MLST8: variants seen among roughly 807,000 people sequenced by gnomAD.
MLST8 encodes MTOR associated protein MLST8.
MLST8 carries 20 observed loss-of-function variants against 41.3 expected under a neutral mutation model. The observed-to-expected ratio is 0.48, with a 90% confidence interval of 0.34 to 0.70. The LOEUF is 0.70. Among genes scored for constraint, MLST8 ranks in the 30% least tolerant of loss-of-function variants. MLST8 has a pLI of 0.01. For synonymous variants in MLST8, 243 were observed against 183.0 expected (o/e 1.33, Z -2.65); for missense variants, 422 against 454.3 (o/e 0.93, Z 0.65).
In MLST8 at chr16:2,206,790, G is replaced by C; in HGVS notation, c.344+131G>C. On this transcript the variant is annotated intron_variant, in intron 4 of 8. Transcript: ENST00000569417. ...GTGGGCGACTTACTGAGAGAAGTGA[G>C]GACAGGAGGAGAGTGAATTGCATCA... 3 of 1,133,396 alleles carry C rather than the reference G, an allele frequency of 2.6e-6. No individual in the cohort carries two copies. The African/African-American group carries it at 4.6e-5, about 17-fold the overall frequency. 70.2% of individuals were successfully genotyped at this position (1,133,396 alleles called of 1,614,324 possible). A position where few individuals can be genotyped will look rare whatever the true frequency, so the allele number is the denominator to read the frequency against.
chr16:2,209,235 G>T lies in MLST8; in HGVS notation c.*358G>T. 1 of 917,680 alleles carries T rather than the reference G, an allele frequency of 1.1e-6. No individual in the cohort carries two copies. Among genetic ancestry groups the T allele is most frequent in the South Asian group, 1.6e-5 (1 of 60,810 alleles). 56.8% of individuals were successfully genotyped at this position (917,680 alleles called of 1,614,324 possible). ...CCGCGTTTCAGGGCCTCGGTCCATA[G>T]AGAACACCACCACCATGGCCAGGTG... On this transcript the variant is annotated 3_prime_UTR_variant, in exon 9 of 9. Transcript: ENST00000569417.
Position 2,209,367 on chromosome 16 carries a change from C to G in MLST8, c.*490C>G. 1 of 1,612,478 alleles carries G rather than the reference C, an allele frequency of 6.2e-7. No homozygotes were observed. Among genetic ancestry groups the G allele is most frequent in the Non-Finnish European group, 8.5e-7 (1 of 1,179,002 alleles). On this transcript the variant is annotated 3_prime_UTR_variant, in exon 9 of 9. Coordinates refer to ENST00000569417, the MANE Select transcript of MLST8 (RefSeq NM_022372.6). ...GGCTGGGCCAGGTCGGGGGCTCAGT[C>G]TGGGAGGTAATAAAAGCAGACCGAC... is the stretch of plus-strand genomic sequence containing the variant.
chr16:2,207,362 G>C lies in MLST8; in HGVS notation c.573+17G>C. ...AATAGCACCGTGAGTCCTGGTGGCA[G>C]GTGCTGGGTGCGGGCAGCTTGGCAC... On this transcript the variant is annotated intron_variant, in intron 6 of 8. Coordinates refer to ENST00000569417, the MANE Select transcript of MLST8 (RefSeq NM_022372.6). 6.8e-6 allele frequency: 11 copies of C among 1,611,512 alleles called. No homozygotes were observed. The highest frequency in any genetic ancestry group is 9.3e-6 in the Non-Finnish European group (11 of 1,178,130).
Position 2,208,934 on chromosome 16 carries a change from A to C in MLST8, c.*57A>C, listed in dbSNP as rs1415938843. 3.2e-6 allele frequency: 5 copies of C among 1,581,642 alleles called. No homozygotes were observed. The African/African-American group carries it at 6.7e-5, about 21-fold the overall frequency. ...TGGTGGCAGCTGGAGGGACCCATGC[A>C]GCACCCAGGTCAGAGCAGACCCTCC... On this transcript the variant is annotated 3_prime_UTR_variant, in exon 9 of 9. Coordinates refer to ENST00000569417, the MANE Select transcript of MLST8 (RefSeq NM_022372.6).
rs762710608 is a variant in MLST8, at chr16:2,207,315, C to T, written c.543C>T (p.Asp181=). The change falls in exon 6 of 9, where the codon GAC becomes GAT. Residue 181 remains aspartate, a synonymous_variant. Coordinates refer to ENST00000569417, the MANE Select transcript of MLST8 (RefSeq NM_022372.6). ...TCACGTCCGCCCACATCGATCCCGA[C>T]GCCAGCTACATGGCAGCTGTCAATA... ...VSITSAHIDP[D]ASYMAAVNST... 4.8e-5 allele frequency: 77 copies of T among 1,614,052 alleles called. No homozygotes were observed. Among genetic ancestry groups the T allele is most frequent in the Middle Eastern group, 1.6e-4 (1 of 6,084 alleles).
chr16:2,207,518 C>T, intron 6 of MLST8, 173 bp downstream of exon 6: 1 of 748,236 alleles, frequency 1.3e-6, no homozygotes, highest in Non-Finnish European at 2.1e-6. Flanking sequence ...CTCCCGATGG[C>T]TTAGTCCTGT....
Position 2,209,393 on chromosome 16 carries a change from A to G in MLST8, c.*516A>G, listed in dbSNP as rs2093360372. 2 of 1,613,752 alleles carry G rather than the reference A, an allele frequency of 1.2e-6. No individual in the cohort carries two copies. The highest frequency in any genetic ancestry group is 2.2e-5 in the South Asian group (2 of 91,088). On this transcript the variant is annotated 3_prime_UTR_variant, in exon 9 of 9. Coordinates refer to ENST00000569417, the MANE Select transcript of MLST8 (RefSeq NM_022372.6). ...TGGGAGGTAATAAAAGCAGACCGAC[A>G]CGCAGATGTTGCTCGGGAAGCAGAT...
chr16:2,209,213 C>T lies in MLST8; in HGVS notation c.*336C>T, dbSNP rs182504679. ...TGTGTTCTCTGCCCCTCCCTGCCCG[C>T]GTTTCAGGGCCTCGGTCCATAGAGA... On this transcript the variant is annotated 3_prime_UTR_variant, in exon 9 of 9. Transcript: ENST00000569417. 145 of 766,732 alleles carry T rather than the reference C, an allele frequency of 1.9e-4. No homozygotes were observed. Among genetic ancestry groups the T allele is most frequent in the Non-Finnish European group, 2.7e-4 (129 of 481,046 alleles). The allele number at this position is 766,732 out of a possible 1,614,324, so 47.5% of individuals were successfully genotyped here.
chr16:2,205,891 C>T (rs1596708947), intron 1 of MLST8, 140 bp from the exon 2 acceptor site: 6 of 1,402,192 alleles, frequency 4.3e-6, no homozygotes, highest in Admixed American at 2.6e-5. Flanking sequence ...ACGCGTGTGA[C>T]GCGTGTCCCT....
chr16:2,208,203 C>T lies in MLST8; in HGVS notation c.574-7C>T, dbSNP rs748009900. ...GGGCCCTCCGTGACGGTCCTCCTGA[C>T]CTCTAGGGAAACTGCTATGTCTGGA... On this transcript the variant is annotated splice_polypyrimidine_tract_variant and splice_region_variant and intron_variant, in intron 6 of 8. Coordinates refer to ENST00000569417, the MANE Select transcript of MLST8 (RefSeq NM_022372.6). 8.5e-5 allele frequency: 136 copies of T among 1,605,612 alleles called. No homozygotes were observed. Among genetic ancestry groups the T allele is most frequent in the Non-Finnish European group, 1.1e-4 (128 of 1,174,636 alleles).
chr16:2,206,063 C>T lies in MLST8; in HGVS notation c.-23C>T, dbSNP rs1596710524. 1.9e-6 allele frequency: 3 copies of T among 1,572,436 alleles called. No individual in the cohort carries two copies. The highest frequency in any genetic ancestry group is 4.5e-5 in the East Asian group (2 of 44,260). ...GACCTTTGACCCCTGCCGTTCAGCT[C>T]TAGGGCCCGTGCAGGCCACACCATG... On this transcript the variant is annotated 5_prime_UTR_variant, in exon 2 of 9. Coordinates refer to ENST00000569417, the MANE Select transcript of MLST8 (RefSeq NM_022372.6).
At chr16:2,208,641 C>A in intron 8 of MLST8, 28 bp downstream of exon 8, 1 of 1,611,926 alleles carries the variant, frequency 6.2e-7, no homozygotes, top group Non-Finnish European at 8.5e-7. Context: ...CTCCCCCATC[C>A]CTGGCCCCCG....
rs990527763 is a variant in MLST8 at position 2,209,150 on chromosome 16, G to A, written c.*273G>A. On this transcript the variant is annotated 3_prime_UTR_variant, in exon 9 of 9. Transcript: ENST00000569417. ...GAAAGTCGGCCGAGGGCCCAAAGCT[G>A]CTGAGGGGTCTGAGGCTGGTGCCCA... 1.6e-6 allele frequency: 1 copy of A among 644,344 alleles called. No individual in the cohort carries two copies. Among genetic ancestry groups the A allele is most frequent in the East Asian group, 2.7e-5 (1 of 36,584 alleles). The allele number at this position is 644,344 out of a possible 1,614,324, so 39.9% of individuals were successfully genotyped here.
Position 2,209,304 on chromosome 16 carries a change from A to T in MLST8, c.*427A>T. ...TGCCAGCAGCTGTCCTCCCTGGTGCAGGTGGCCTGGCCAGCCCACTGGATT... is the reference window on the plus strand; with the variant it reads ...TGCCAGCAGCTGTCCTCCCTGGTGCTGGTGGCCTGGCCAGCCCACTGGATT... On this transcript the variant is annotated 3_prime_UTR_variant, in exon 9 of 9. Transcript: ENST00000569417. 2 of 1,450,226 alleles carry T rather than the reference A, an allele frequency of 1.4e-6. No individual in the cohort carries two copies. The highest frequency in any genetic ancestry group is 1.9e-6 in the Non-Finnish European group (2 of 1,041,914). 89.8% of individuals were successfully genotyped at this position (1,450,226 alleles called of 1,614,324 possible). A position where few individuals can be genotyped will look rare whatever the true frequency, so the allele number is the denominator to read the frequency against.
chr16:2,207,590 A>T (rs2141371480), intron 6 of MLST8: 3 of 516,440 alleles, frequency 5.8e-6, no homozygotes, highest in South Asian at 2.6e-5. Flanking sequence ...CCCTCTTTTC[A>T]CTCTGTTGCC....
At chr16:2,205,900 C>T (rs1201196471) in intron 1 of MLST8, 131 bp from the exon 2 acceptor site, 22 of 1,433,192 alleles carry the variant, frequency 1.5e-5, no homozygotes, top group Non-Finnish European at 1.9e-5. Flanking sequence ...ACGCGTGTCC[C>T]TGAACCTACC....
chr16:2,207,303 C>G lies in MLST8; in HGVS notation c.531C>G (p.His177Gln), dbSNP rs771076959. 1 of 1,614,166 alleles carries G rather than the reference C, an allele frequency of 6.2e-7. No homozygotes were observed. The highest frequency in any genetic ancestry group is 1.1e-5 in the South Asian group (1 of 91,088). Residue 177 changes from histidine to glutamine, a missense_variant, in exon 6 of 9, where the codon CAC becomes CAG. By Grantham distance (24) the His-to-Gln change is conservative. Transcript: ENST00000569417. Reference protein sequence around the residue: ...PEPEVSITSAHIDPDASYMAA... With the variant: ...PEPEVSITSAQIDPDASYMAA... ...CCGAGGTCTCCATCACGTCCGCCCA[C>G]ATCGATCCCGACGCCAGCTACATGG...
Position 2,206,160 on chromosome 16 carries a change from C to A in MLST8, c.75C>A (p.Arg25=). Residue 25 remains arginine, a synonymous_variant, in exon 2 of 9, where the codon CGC becomes CGA. Coordinates refer to ENST00000569417, the MANE Select transcript of MLST8 (RefSeq NM_022372.6). ...CTGCAGGCTACGACCACACCGTGCG[C>A]TTCTGGCAGGCCCACAGCGGCATCT... ...LATAGYDHTV[R]FWQAHSGICT... is the part of the protein sequence containing the mutation. 1 of 1,612,000 alleles carries A rather than the reference C, an allele frequency of 6.2e-7. No individual in the cohort carries two copies. The highest frequency in any genetic ancestry group is 8.5e-7 in the Non-Finnish European group (1 of 1,179,554).
chr16:2,208,351 C>G lies in MLST8; in HGVS notation c.698+17C>G, dbSNP rs780960842. ...CGACTCCACGTGCGTGCAGGGCCTGCTGGCCCGGGAGGGGACCTGCCTGGG... is the reference window on the plus strand; with the variant it reads ...CGACTCCACGTGCGTGCAGGGCCTGGTGGCCCGGGAGGGGACCTGCCTGGG... On this transcript the variant is annotated intron_variant, in intron 7 of 8. Coordinates refer to ENST00000569417, the MANE Select transcript of MLST8 (RefSeq NM_022372.6). The G allele has an allele frequency of 5.0e-6, 8 of 1,604,678 alleles. No individual in the cohort carries two copies. The highest frequency in any genetic ancestry group is 1.3e-5 in the African/African-American group (1 of 74,598).
Sources: gnomAD v4.1 joint callset for allele counts on GRCh38, gnomAD v4.1.1 for gene constraint, MANE v1.5 for transcripts, NCBI Gene and HGNC (gene_info 2026-07-23, HGNC 2026-07-21) for gene names.